The following RALGPS2 variants were observed in gnomAD, a reference collection of about 807,000 sequenced individuals.
RALGPS2 encodes the protein Ral GEF with PH domain and SH3 binding motif 2, also known as ras-specific guanine nucleotide-releasing factor RalGPS2.
RALGPS2 carries 43 observed loss-of-function variants against 86.8 expected under a neutral mutation model. The ratio of observed to expected loss-of-function variants is 0.50; its 90% confidence interval spans 0.39 to 0.64. The LOEUF is 0.64. RALGPS2 is among the 30% of genes least tolerant of loss of function. The pLI is 0.00. For synonymous variants in RALGPS2, 243 were observed against 231.3 expected (o/e 1.05, Z -0.46); for missense variants, 536 against 694.6 (o/e 0.77, Z 2.57).
Position 178,916,427 on chromosome 1 carries a change from C to A in RALGPS2, c.*68C>A. 2.1e-6 allele frequency: 3 copies of A among 1,455,732 alleles called. No homozygotes were observed. The highest frequency in any genetic ancestry group is 2.3e-5 in the East Asian group (1 of 43,508). 90.2% of individuals were successfully genotyped at this position (1,455,732 alleles called of 1,614,324 possible). ...AGCATGAGGACCTGATAAAAGAGCG[C>A]CAGCTATAAACCATCCTGTGCCAGG... On this transcript the variant is annotated 3_prime_UTR_variant, in exon 20 of 20. Coordinates refer to ENST00000367635, the MANE Select transcript of RALGPS2 (RefSeq NM_152663.5).
At chr1:178,798,304 AG>A (rs2102163564) in intron 4 of RALGPS2, among the ~76,000 whole-genome samples, 1 of 152,322 alleles carries the variant, frequency 6.6e-6, no homozygotes, top group East Asian at 1.9e-4. Flanking sequence ...TTGCTATTAC[AG>A]TGAGCTCAAG....
intron 19 of RALGPS2, among the ~76,000 whole-genome samples, chr1:178,908,036 C>T (rs1455122645): frequency 6.6e-6 from 1 of 152,116 alleles, no homozygotes; most frequent in African/African-American, 2.4e-5. Context: ...GATCCTGTCA[C>T]CCAGTTAGTG....
At chr1:178,781,459 G>T (rs989974932) in intron 2 of RALGPS2, among the ~76,000 whole-genome samples, 3 of 152,100 alleles carry the variant, frequency 2.0e-5, no homozygotes, top group African/African-American at 7.2e-5. Context: ...ACATTTAGAA[G>T]TTTTTGAGTC....
At chr1:178,776,986 A>G (rs6662590) in intron 2 of RALGPS2, among the ~76,000 whole-genome samples, 165 bp downstream of exon 2, 6,646 of 151,736 alleles carry the variant, frequency 0.044, 255 homozygotes, top group African/African-American at 0.1. Context: ...GTTTTAGGGT[A>G]CATGTGCACA....
At chr1:178,808,356 CTG>C (rs1654833586) in intron 5 of RALGPS2, among the ~76,000 whole-genome samples, 1 of 152,114 alleles carries the variant, frequency 6.6e-6, no homozygotes, top group South Asian at 2.1e-4. Context: ...TATTTTCTCT[CTG>C]TTTTTGTCCT....
Position 178,776,828 on chromosome 1 carries a change from T to A in RALGPS2, c.57+7T>A. ...TGCAGCTACTGCTTCTGAGGTAAGATATTTAAGAAGCTTGGGTGTAAAGTT... is the reference window on the plus strand; with the variant it reads ...TGCAGCTACTGCTTCTGAGGTAAGAAATTTAAGAAGCTTGGGTGTAAAGTT... On this transcript the variant is annotated splice_region_variant and intron_variant, in intron 2 of 19. Transcript: ENST00000367635. The A allele has an allele frequency of 5.6e-6, 9 of 1,611,318 alleles. No homozygotes were observed. The highest frequency in any genetic ancestry group is 7.6e-6 in the Non-Finnish European group (9 of 1,178,270).
intron 8 of RALGPS2, among the ~76,000 whole-genome samples, chr1:178,856,986 A>G (rs1657630719): frequency 6.6e-6 from 1 of 152,176 alleles, no homozygotes; most frequent in Non-Finnish European, 1.5e-5. Flanking sequence ...CTGTTTTGCT[A>G]CCACTATTCT....
chr1:178,763,556 G>C (rs1040461533), intron 1 of RALGPS2, among the ~76,000 whole-genome samples: 2 of 152,134 alleles, frequency 1.3e-5, no homozygotes, highest in East Asian at 3.8e-4. Flanking sequence ...TGTAAAGATA[G>C]TAAACCTCTC....
chr1:178,773,483 C>CT (rs1364552736), intron 1 of RALGPS2, among the ~76,000 whole-genome samples: 1 of 152,130 alleles, frequency 6.6e-6, no homozygotes, highest in Non-Finnish European at 1.5e-5. Context: ...ATAGAAAGGT[C>CT]TTTGAAGGAC....
chr1:178,861,880 A>T (rs113607961), intron 8 of RALGPS2, among the ~76,000 whole-genome samples: 3 of 151,492 alleles, frequency 2.0e-5, no homozygotes, highest in African/African-American at 4.9e-5. Context: ...TTGTTGTTGT[A>T]GTTGTTGTTG....
At chr1:178,865,848 A>C in intron 8 of RALGPS2, 1 of 1,164,348 alleles carries the variant, frequency 8.6e-7, no homozygotes, top group African/African-American at 1.6e-5. Context: ...AAAAGAATTC[A>C]TATTAATCTA....
At chr1:178,849,073 T>C (rs1404135124) in intron 8 of RALGPS2, among the ~76,000 whole-genome samples, 1 of 152,258 alleles carries the variant, frequency 6.6e-6, no homozygotes, top group Admixed American at 6.5e-5. Flanking sequence ...TTATTCTTAA[T>C]GTTTTACCTG....
intron 8 of RALGPS2, chr1:178,869,304 A>C (rs1203174009): frequency 6.6e-6 from 1 of 152,110 alleles, no homozygotes; most frequent in Non-Finnish European, 1.5e-5. Context: ...TGGCTGTGTC[A>C]TGCACTGAAA....
chr1:178,833,016 G>A (rs1004529597), intron 7 of RALGPS2, among the ~76,000 whole-genome samples: 18 of 151,814 alleles, frequency 1.2e-4, no homozygotes, highest in African/African-American at 4.4e-4. Flanking sequence ...CGCAAAATTT[G>A]GTGTTTATTT....
intron 2 of RALGPS2, among the ~76,000 whole-genome samples, chr1:178,783,975 CTCTT>C (rs1389970618): frequency 6.6e-6 from 1 of 152,096 alleles, no homozygotes; most frequent in African/African-American, 2.4e-5. Context: ...TTATATGTAA[CTCTT>C]TAATTAACAG....
At chr1:178,899,319 C>A (rs72707229) in intron 17 of RALGPS2, among the ~76,000 whole-genome samples, 8,905 of 151,724 alleles carry the variant, frequency 0.059, 351 homozygotes, top group Non-Finnish European at 0.092. Context: ...GTGAGAAAAT[C>A]TTATTGAGTA....
At chr1:178,807,773 G>A (rs1382193163) in intron 4 of RALGPS2, among the ~76,000 whole-genome samples, 1 of 151,988 alleles carries the variant, frequency 6.6e-6, no homozygotes, top group Non-Finnish European at 1.5e-5. Context: ...TTTTCCTCTT[G>A]GGATTCAAAT....
intron 2 of RALGPS2, among the ~76,000 whole-genome samples, chr1:178,781,842 G>A (rs1269190689): frequency 6.6e-6 from 1 of 152,082 alleles, no homozygotes; most frequent in South Asian, 2.1e-4. Context: ...TTAGTTTTGG[G>A]ATGTAAAATA....
intron 9 of RALGPS2, 35 bp downstream of exon 9, chr1:178,877,670 A>T: frequency 6.2e-7 from 1 of 1,607,474 alleles, no homozygotes; most frequent in Non-Finnish European, 8.5e-7. Flanking sequence ...AGCCATTAAG[A>T]TTGCTGTAAT....
Sources: gnomAD v4.1 joint callset for allele counts (sites outside exome capture counted in the v4.1 genomes callset) on GRCh38, gnomAD v4.1.1 for gene constraint, MANE v1.5 for transcripts, NCBI Gene and HGNC (gene_info 2026-07-23, HGNC 2026-07-21) for gene names.